MARCHF10: variants seen among roughly 807,000 people sequenced by gnomAD.
MARCHF10 encodes probable E3 ubiquitin-protein ligase MARCHF10.
MARCHF10 carries 64 observed loss-of-function variants against 76.2 expected under a neutral mutation model. The observed-to-expected ratio is 0.84, with a 90% CI of 0.69 to 1.03. The LOEUF (loss-of-function observed/expected upper bound fraction) is 1.03. Ranked by LOEUF, MARCHF10 falls within the 50% of genes least tolerant of loss-of-function variation. MARCHF10 has a pLI of 0.00. For synonymous variants in MARCHF10, 340 were observed against 357.5 expected, an observed-to-expected ratio of 0.95 and a Z score of 0.55; for missense variants, 875 against 958.0, an observed-to-expected ratio of 0.91 and a Z score of 1.14.
intron 2 of MARCHF10, chr17:62,794,905 G>T: frequency 3.9e-6 from 2 of 513,496 alleles, no homozygotes; most frequent in Non-Finnish European, 5.0e-6. Context: ...CATTATTAAA[G>T]TTCATTAATT....
At chr17:62,702,736 C>T (rs572201451) in intron 10 of MARCHF10, among the ~76,000 whole-genome samples, 19 of 152,274 alleles carry the variant, frequency 1.2e-4, no homozygotes, top group Non-Finnish European at 1.8e-4. Context: ...AACTGTTGCA[C>T]GGAGCAGGAG....
intron 3 of MARCHF10, 40 bp downstream of exon 3, chr17:62,788,440 G>A (rs751121085): frequency 6.2e-7 from 1 of 1,611,856 alleles, no homozygotes; most frequent in Non-Finnish European, 8.5e-7. Flanking sequence ...ACCAGCAGCA[G>A]CAGCAGCCCC....
chr17:62,793,869 CA>C, intron 2 of MARCHF10, among the ~76,000 whole-genome samples: 1 of 149,936 alleles, frequency 6.7e-6, no homozygotes, highest in African/African-American at 2.5e-5. Context: ...CCACGTCCAT[CA>C]ACCACCACCA....
In MARCHF10 at chr17:62,744,412, G is replaced by A. The variant is rs201314768; in HGVS notation, c.499C>T (p.Gln167Ter). 29 of 1,614,040 alleles carry A rather than the reference G, an allele frequency of 1.8e-5. No homozygotes were observed. The African/African-American group carries it at 3.7e-4, about 21-fold the overall frequency. Residue 167 changes from glutamine to a stop codon, truncating the protein, a stop_gained, in exon 5 of 11, where the codon CAG (glutamine) becomes TAG (stop). Transcript: ENST00000311269. LOFTEE classifies it high-confidence loss of function. ...ASGDRSRQKQ[Q>*]WPAKVPVPRG... ...GGAACCGGCACCTTTGCAGGCCACT[G>A]CTGTTTCTGTCTGCTTCTGTCCCCA...
intron 9 of MARCHF10, among the ~76,000 whole-genome samples, chr17:62,705,788 T>G (rs1025722270): frequency 1.3e-5 from 2 of 152,106 alleles, no homozygotes; most frequent in African/African-American, 4.8e-5. Context: ...AGCCATAACC[T>G]GGGTCACCTT....
Position 62,707,955 on chromosome 17 carries a change from T to C in MARCHF10, c.2329-2374A>G, listed in dbSNP as rs528281207. On this transcript the variant is annotated intron_variant, in intron 9 of 10. Coordinates refer to ENST00000311269, the MANE Select transcript of MARCHF10 (RefSeq NM_152598.4). Reference sequence around the variant, plus strand: ...CCCATCTCTACAAAAAATAAAAAATTAGCCAGGTGTAGTGGTGGATGCATC... The same window carrying C: ...CCCATCTCTACAAAAAATAAAAAATCAGCCAGGTGTAGTGGTGGATGCATC... Among the ~76,000 whole-genome samples the C allele has an allele frequency of 3.7e-4, 57 of 152,036 alleles. 1 individual carries two copies. The South Asian group carries it at 5.2e-3, about 14-fold the overall frequency.
At chr17:62,806,542 A>C (rs944754087) in intron 1 of MARCHF10, 11 of 152,228 alleles carry the variant, frequency 7.2e-5, no homozygotes, top group African/African-American at 2.7e-4. Flanking sequence ...TCAACATAAG[A>C]AGCCATATTA....
Position 62,775,612 on chromosome 17 carries a change from A to T in MARCHF10, c.210+12868T>A, listed in dbSNP as rs940616485. On this transcript the variant is annotated intron_variant, in intron 3 of 10. Coordinates refer to ENST00000311269, the MANE Select transcript of MARCHF10 (RefSeq NM_152598.4). ...TATTTTTTATTTTTAAATTTAAAAA[A>T]TTTTATTTTATTTTTAATTGACAAA... Among the ~76,000 whole-genome samples the T allele has an allele frequency of 3.3e-5, 5 of 151,934 alleles. No individual in the cohort carries two copies. In the East Asian group the frequency reaches 5.8e-4, roughly 18 times the overall value.
rs564814459 is a variant in MARCHF10 at position 62,732,746 on chromosome 17, A to C, written c.1937+3185T>G. Among the ~76,000 whole-genome samples the C allele has an allele frequency of 1.2e-3, 186 of 152,266 alleles. 1 individual carries two copies. Among genetic ancestry groups the C allele is most frequent in the African/African-American group, 3.7e-3 (155 of 41,562 alleles). On this transcript the variant is annotated intron_variant, in intron 6 of 10. Transcript: ENST00000311269. ...GGTGGTTCAAGCCTGTAATTCCAGC[A>C]CTTTGAGGGGATGAGGCGGGCTGAT...
chr17:62,718,776 T>C (rs2090344651), intron 8 of MARCHF10, among the ~76,000 whole-genome samples: 1 of 152,218 alleles, frequency 6.6e-6, no homozygotes, highest in African/African-American at 2.4e-5. Context: ...GATGCAGTGA[T>C]GTGAGACCTT....
chr17:62,742,534 G>A (rs2091551238), intron 5 of MARCHF10, among the ~76,000 whole-genome samples: 1 of 152,070 alleles, frequency 6.6e-6, no homozygotes, highest in Non-Finnish European at 1.5e-5. Flanking sequence ...AGGAGCCACG[G>A]GTATAATGGG....
At position 62,748,106 on chromosome 17, in the gene MARCHF10, G is replaced by C. The variant is rs767547111; in HGVS notation, c.383-3578C>G. On this transcript the variant is annotated intron_variant, in intron 4 of 10. Coordinates refer to ENST00000311269, the MANE Select transcript of MARCHF10 (RefSeq NM_152598.4). Reference sequence around the variant, plus strand: ...ACAGTTTGTGTGTACATGGGTTTAAGAGTTTCTAGGTCCAGGCACGGTGGC... The same window carrying C: ...ACAGTTTGTGTGTACATGGGTTTAACAGTTTCTAGGTCCAGGCACGGTGGC... Among the ~76,000 whole-genome samples the C allele has an allele frequency of 2.0e-5, 3 of 152,232 alleles. No individual in the cohort carries two copies. The South Asian group carries it at 6.2e-4, about 32-fold the overall frequency.
chr17:62,791,372 A>C (rs1212528523), intron 2 of MARCHF10, among the ~76,000 whole-genome samples: 1 of 152,214 alleles, frequency 6.6e-6, no homozygotes, highest in Non-Finnish European at 1.5e-5. Context: ...AAAGTGGAGG[A>C]GGCAGTGTTA....
Position 62,800,940 on chromosome 17 carries a change from C to T in MARCHF10, c.90+706G>A, listed in dbSNP as rs116255722. On this transcript the variant is annotated intron_variant, in intron 2 of 10. Coordinates refer to ENST00000311269, the MANE Select transcript of MARCHF10 (RefSeq NM_152598.4). ...ACCTTTCTTCTGGTGGGGATGACAACGAAGGGCGTGTTATTTTACAAATGG... is the reference window on the plus strand; with the variant it reads ...ACCTTTCTTCTGGTGGGGATGACAATGAAGGGCGTGTTATTTTACAAATGG... 4.2e-3 allele frequency among the ~76,000 whole-genome samples: 633 copies of T among 152,202 alleles called. 10 individuals carry two copies. Among genetic ancestry groups the T allele is most frequent in the African/African-American group, 0.015 (602 of 41,516 alleles).
intron 6 of MARCHF10, among the ~76,000 whole-genome samples, chr17:62,728,807 T>C (rs2090880723): frequency 6.6e-6 from 1 of 152,182 alleles, no homozygotes; most frequent in South Asian, 2.1e-4. Flanking sequence ...TGAGCTTTAA[T>C]GCACTAAATA....
chr17:62,747,004 C>T (rs189211693), intron 4 of MARCHF10: 12 of 1,510,532 alleles, frequency 7.9e-6, no homozygotes, highest in African/African-American at 2.8e-5. Context: ...TTACTTTCAG[C>T]GTTTTTAAAA....
chr17:62,775,118 T>TC (rs1373738852), intron 3 of MARCHF10, among the ~76,000 whole-genome samples: 1 of 123,670 alleles, frequency 8.1e-6, no homozygotes, highest in Non-Finnish European at 1.6e-5. Context: ...TTCCCAGGTC[T>TC]CCCCCTGGCC....
chr17:62,722,479 A>T lies in MARCHF10; in HGVS notation c.2214+9T>A. 6.2e-7 allele frequency: 1 copy of T among 1,606,518 alleles called. No individual in the cohort carries two copies. The highest frequency in any genetic ancestry group is 8.5e-7 in the Non-Finnish European group (1 of 1,175,112). On this transcript the variant is annotated intron_variant, in intron 8 of 10. Coordinates refer to ENST00000311269, the MANE Select transcript of MARCHF10 (RefSeq NM_152598.4). ...TAACCTGTGGAGGCAGAGTGGCCAC[A>T]TTTCTTACCTGAGATTGCTGGTGCT...
rs201109186 is a variant in MARCHF10, at chr17:62,744,356, C to T, written c.535+20G>A. On this transcript the variant is annotated intron_variant, in intron 5 of 10. Coordinates refer to ENST00000311269, the MANE Select transcript of MARCHF10 (RefSeq NM_152598.4). ...GTCCTCCTCTCCAAGGACAAAGGTTCGGGAGCCCCGGGTCCTTACCTGCTC... is the reference window on the plus strand; with the variant it reads ...GTCCTCCTCTCCAAGGACAAAGGTTTGGGAGCCCCGGGTCCTTACCTGCTC... The T allele has an allele frequency of 5.0e-5, 80 of 1,604,502 alleles. No individual in the cohort carries two copies. The African/African-American group carries it at 8.2e-4, about 16-fold the overall frequency.
Sources: allele counts gnomAD v4.1 joint callset (sites outside exome capture counted in the v4.1 genomes callset), GRCh38; gene constraint gnomAD v4.1.1; transcripts MANE v1.5; gene names NCBI Gene and HGNC (gene_info 2026-07-23, HGNC 2026-07-21).